Variants in SEMA6A observed in about 807,000 individuals in gnomAD.
SEMA6A encodes semaphorin 6A.
A neutral mutation model predicts 96.8 loss-of-function variants in SEMA6A; 25 were observed. The observed-to-expected ratio is 0.26, with a 90% CI of 0.19 to 0.36. The LOEUF (loss-of-function observed/expected upper bound fraction) is 0.36, where lower values mean the gene tolerates loss of function less well. SEMA6A is among the 10% of genes least tolerant of loss of function. The probability of loss-of-function intolerance (pLI) is 1.00; values close to 1 mark genes in which losing one functional copy is unlikely to be tolerated. For synonymous variants in SEMA6A, 612 were observed against 518.0 expected (o/e 1.18, Z -2.46); for missense variants, 1,363 against 1,323.1 (o/e 1.03, Z -0.47).
intron 18 of SEMA6A, among the ~76,000 whole-genome samples, chr5:116,458,123 G>T (rs770511808): frequency 2.1e-4 from 32 of 152,108 alleles, no homozygotes; most frequent in Middle Eastern, 3.2e-3. Context: ...GTGAAACTAG[G>T]CTATCAGAAA....
chr5:116,460,950 G>C (rs1755358531), intron 18 of SEMA6A, among the ~76,000 whole-genome samples: 1 of 151,790 alleles, frequency 6.6e-6, no homozygotes, highest in Non-Finnish European at 1.5e-5. Flanking sequence ...TAATAAAAAT[G>C]ATGCTAAATC....
chr5:116,560,149 CG>C (rs1390693562), intron 1 of SEMA6A, among the ~76,000 whole-genome samples: 1 of 152,194 alleles, frequency 6.6e-6, no homozygotes, highest in South Asian at 2.1e-4. Context: ...CTCCCAAATA[CG>C]GAGACCTCAC....
chr5:116,505,520 C>T (rs905922549), intron 1 of SEMA6A, among the ~76,000 whole-genome samples: 1 of 151,784 alleles, frequency 6.6e-6, no homozygotes, highest in Non-Finnish European at 1.5e-5. Context: ...TTTCCATTAC[C>T]TGCTTGACTT....
At chr5:116,452,304 C>T (rs1754687745) in intron 18 of SEMA6A, among the ~76,000 whole-genome samples, 1 of 152,172 alleles carries the variant, frequency 6.6e-6, no homozygotes, top group Admixed American at 6.5e-5. Flanking sequence ...TCATAAGGTG[C>T]TAAATGGTTA....
chr5:116,565,859 C>A (rs1761004312), intron 1 of SEMA6A, among the ~76,000 whole-genome samples: 1 of 152,142 alleles, frequency 6.6e-6, no homozygotes. Flanking sequence ...AGGAACGTTT[C>A]CATTCACCAG....
chr5:116,456,459 G>T (rs1755016263), intron 18 of SEMA6A, among the ~76,000 whole-genome samples: 1 of 152,144 alleles, frequency 6.6e-6, no homozygotes, highest in Admixed American at 6.5e-5. Context: ...TTGTTTTATT[G>T]GAAAGACAAT....
intron 9 of SEMA6A, 126 bp from the exon 10 acceptor site, chr5:116,487,092 T>TA (rs1757087071): frequency 1.3e-4 from 65 of 490,252 alleles, no homozygotes; most frequent in South Asian, 6.2e-4. Flanking sequence ...CTAAAATCAG[T>TA]AACAAAAAAA....
At chr5:116,468,376 C>T (rs977350537) in intron 17 of SEMA6A, 1 of 152,220 alleles carries the variant, frequency 6.6e-6, no homozygotes, top group African/African-American at 2.4e-5. Context: ...GGGATCTATT[C>T]CCACTGTCTT....
At chr5:116,456,441 A>T (rs902994597) in intron 18 of SEMA6A, among the ~76,000 whole-genome samples, 1 of 152,228 alleles carries the variant, frequency 6.6e-6, no homozygotes, top group Non-Finnish European at 1.5e-5. Context: ...AAAGAATAGA[A>T]ATCGACCTTG....
At chr5:116,523,109 C>T (rs1277940193) in intron 1 of SEMA6A, among the ~76,000 whole-genome samples, 1 of 152,098 alleles carries the variant, frequency 6.6e-6, no homozygotes, top group Non-Finnish European at 1.5e-5. Flanking sequence ...ACATGACCAC[C>T]TCCTCTTTTC....
chr5:116,454,169 C>G (rs528669748), intron 18 of SEMA6A, among the ~76,000 whole-genome samples: 1 of 152,270 alleles, frequency 6.6e-6, no homozygotes, highest in African/African-American at 2.4e-5. Context: ...AACAAAGCCT[C>G]TCTGTGTCCT....
At chr5:116,497,992 G>A (rs189332084) in intron 3 of SEMA6A, among the ~76,000 whole-genome samples, 15 of 152,236 alleles carry the variant, frequency 9.9e-5, no homozygotes, top group Non-Finnish European at 1.6e-4. Context: ...TACATTTCTT[G>A]CTTCTGTTCA....
At chr5:116,469,353 T>A (rs1221586948) in intron 17 of SEMA6A, 2 of 152,194 alleles carry the variant, frequency 1.3e-5, no homozygotes, top group Non-Finnish European at 2.9e-5. Context: ...ATGATACAGA[T>A]AAGAGAACAG....
At chr5:116,548,106 T>C (rs1367269774) in intron 1 of SEMA6A, among the ~76,000 whole-genome samples, 1 of 152,206 alleles carries the variant, frequency 6.6e-6, no homozygotes, top group Non-Finnish European at 1.5e-5. Flanking sequence ...CAGTCTTGAA[T>C]TGGCTCCAAA....
chr5:116,527,002 C>A (rs944813538), intron 1 of SEMA6A, among the ~76,000 whole-genome samples: 1 of 152,102 alleles, frequency 6.6e-6, no homozygotes, highest in African/African-American at 2.4e-5. Context: ...TTGCATTCCC[C>A]AAGTTCTGTA....
chr5:116,515,437 C>G (rs1758624508), intron 1 of SEMA6A, among the ~76,000 whole-genome samples: 1 of 152,076 alleles, frequency 6.6e-6, no homozygotes, highest in Admixed American at 6.6e-5. Context: ...TTGCGTTGCT[C>G]TCCCTAACTT....
chr5:116,573,942 G>A (rs796517531), intron 1 of SEMA6A, among the ~76,000 whole-genome samples: 3 of 152,094 alleles, frequency 2.0e-5, no homozygotes, highest in African/African-American at 7.2e-5. Flanking sequence ...TGTGCGCAAC[G>A]CGGGTGGGAA....
chr5:116,569,948 G>C (rs565050467), intron 1 of SEMA6A, among the ~76,000 whole-genome samples: 1 of 152,280 alleles, frequency 6.6e-6, no homozygotes, highest in Admixed American at 6.5e-5. Context: ...AAGCTGAAGA[G>C]GTTATTTGGG....
chr5:116,513,937 A>G (rs1473189903), intron 1 of SEMA6A, among the ~76,000 whole-genome samples: 2 of 152,164 alleles, frequency 1.3e-5, no homozygotes, highest in Admixed American at 6.5e-5. Context: ...AGCTCCATCC[A>G]TGTCCCTGCA....
Sources: allele counts gnomAD v4.1 joint callset (sites outside exome capture counted in the v4.1 genomes callset), GRCh38; gene constraint gnomAD v4.1.1; transcripts MANE v1.5; gene names NCBI Gene and HGNC (gene_info 2026-07-23, HGNC 2026-07-21).